The following RIN3 variants were observed in gnomAD, a reference collection of about 807,000 sequenced individuals.
RIN3 encodes RAB5 interacting protein 3.
Under a neutral mutation model 76.3 loss-of-function variants are expected in RIN3, and 54 were observed. That is an observed-to-expected ratio of 0.71 (90% CI 0.57 to 0.89). The LOEUF is 0.89. RIN3 is among the 40% of genes least tolerant of loss of function. The pLI, the probability that RIN3 is intolerant of heterozygous loss-of-function variation, is 0.00. For missense variants in RIN3, 1,256 were observed against 1,322.1 expected (o/e 0.95, Z 0.78); for synonymous variants, 576 against 564.0 (o/e 1.02, Z -0.30).
chr14:92,687,750 G>A (rs755163146), intron 9 of RIN3, 176 bp from the exon 10 acceptor site: 62 of 568,546 alleles, frequency 1.1e-4, no homozygotes, highest in Middle Eastern at 9.4e-4. Context: ...GCCAGGCAGG[G>A]AGGGGGACGG....
At chr14:92,610,440 G>A (rs1352530400) in intron 3 of RIN3, among the ~76,000 whole-genome samples, 1 of 152,020 alleles carries the variant, frequency 6.6e-6, no homozygotes. Flanking sequence ...TGTTCTTTAC[G>A]GGTCCTCACT....
intron 2 of RIN3, among the ~76,000 whole-genome samples, chr14:92,569,423 C>T (rs1204122881): frequency 6.6e-6 from 1 of 152,082 alleles, no homozygotes; most frequent in African/African-American, 2.4e-5. Flanking sequence ...GTGTTGCCAC[C>T]CCCATTTATG....
chr14:92,592,336 G>A (rs1407317837), intron 3 of RIN3, among the ~76,000 whole-genome samples: 2 of 151,144 alleles, frequency 1.3e-5, no homozygotes, highest in African/African-American at 4.9e-5. Context: ...AGGAAGCAGA[G>A]GTTGCAGTGA....
intron 1 of RIN3, among the ~76,000 whole-genome samples, chr14:92,537,801 G>A (rs10135647): frequency 0.47 from 70,662 of 150,158 alleles, 17,287 homozygotes; most frequent in Middle Eastern, 0.62. Context: ...ACAGGTGCAC[G>A]CCACCACGCC....
chr14:92,517,302 G>A (rs557461497), intron 1 of RIN3, among the ~76,000 whole-genome samples: 1 of 152,172 alleles, frequency 6.6e-6, no homozygotes, highest in Non-Finnish European at 1.5e-5. Flanking sequence ...TTTACAAAGC[G>A]ACTGTTATCA....
intron 3 of RIN3, among the ~76,000 whole-genome samples, chr14:92,585,067 C>T (rs560027069): frequency 5.9e-5 from 9 of 152,194 alleles, no homozygotes; most frequent in South Asian, 4.1e-4. Context: ...AGTGCGGTGG[C>T]GCAATCATAG....
At chr14:92,675,588 G>A (rs1332708459) in intron 7 of RIN3, among the ~76,000 whole-genome samples, 2 of 152,210 alleles carry the variant, frequency 1.3e-5, no homozygotes, top group Non-Finnish European at 2.9e-5. Flanking sequence ...GGGACCAGGC[G>A]TGGCCATTCC....
chr14:92,539,209 A>G (rs1320625611), intron 1 of RIN3, among the ~76,000 whole-genome samples: 1 of 152,044 alleles, frequency 6.6e-6, no homozygotes, highest in Non-Finnish European at 1.5e-5. Context: ...CTGCTCTTTC[A>G]TATGACTGTT....
chr14:92,531,743 A>G (rs1303149546), intron 1 of RIN3, among the ~76,000 whole-genome samples: 2 of 152,082 alleles, frequency 1.3e-5, no homozygotes, highest in East Asian at 1.9e-4. Context: ...CTTGGCCTGC[A>G]CCCTCACGAC....
intron 1 of RIN3, among the ~76,000 whole-genome samples, chr14:92,526,641 T>A (rs558038623): frequency 2.6e-4 from 40 of 152,174 alleles, no homozygotes; most frequent in South Asian, 1.0e-3. Flanking sequence ...TAGTTCCAGC[T>A]ACTCAGGAGG....
rs969615324 is a variant in RIN3 at position 92,656,516 on chromosome 14, G to A, written c.2027-2645G>A. ...AACAGCAGGAATGACTTCAGCCTTG[G>A]GGCAGCTGGCTGGCAGGATGCAGAC... On this transcript the variant is annotated intron_variant, in intron 6 of 9. Coordinates refer to ENST00000216487, the MANE Select transcript of RIN3 (RefSeq NM_024832.5). This position sits in a 1 kb window ranked among gnomAD's most constrained non-coding sequence, Gnocchi z 5.2. Among the ~76,000 whole-genome samples the A allele has an allele frequency of 2.0e-4, 30 of 152,214 alleles. No homozygotes were observed. The highest frequency in any genetic ancestry group is 6.3e-4 in the African/African-American group (26 of 41,454).
At chr14:92,546,618 G>A (rs1897271831) in intron 1 of RIN3, among the ~76,000 whole-genome samples, 1 of 152,180 alleles carries the variant, frequency 6.6e-6, no homozygotes, top group African/African-American at 2.4e-5. Context: ...TCAGGGAATG[G>A]GGCTGCTGGA....
intron 1 of RIN3, among the ~76,000 whole-genome samples, chr14:92,550,407 TTTTA>T (rs924337473): frequency 9.2e-5 from 14 of 152,260 alleles, no homozygotes; most frequent in African/African-American, 3.1e-4. Context: ...TTTTGTTTAG[TTTTA>T]TTTATTTATT....
chr14:92,590,217 A>G (rs957087056), intron 3 of RIN3, among the ~76,000 whole-genome samples: 10 of 152,230 alleles, frequency 6.6e-5, no homozygotes, highest in Non-Finnish European at 1.3e-4. Context: ...AAGAAGGCAA[A>G]AGGAACATTT....
At chr14:92,659,522 C>T in intron 7 of RIN3, 53 bp downstream of exon 7, 1 of 1,479,746 alleles carries the variant, frequency 6.8e-7, no homozygotes, top group Non-Finnish European at 9.1e-7. Context: ...TGTATGGGTC[C>T]ATGACCCCAC....
chr14:92,585,197 G>A (rs1320701154), intron 3 of RIN3, among the ~76,000 whole-genome samples: 1 of 152,032 alleles, frequency 6.6e-6, no homozygotes, highest in Non-Finnish European at 1.5e-5. Context: ...ATTTTTTGTA[G>A]AGATGGGGTC....
At chr14:92,596,260 T>C (rs1479673685) in intron 3 of RIN3, among the ~76,000 whole-genome samples, 2 of 152,224 alleles carry the variant, frequency 1.3e-5, no homozygotes, top group Non-Finnish European at 2.9e-5. Flanking sequence ...AACTAGGTCA[T>C]GAAATCTTAC....
chr14:92,633,297 G>A (rs1874040747), intron 4 of RIN3, among the ~76,000 whole-genome samples: 1 of 152,190 alleles, frequency 6.6e-6, no homozygotes. Context: ...CCCTGGCACA[G>A]CCCTGGGCAC....
rs1462402887 is a variant in RIN3, at chr14:92,681,357, C to T, written c.2468-3630C>T. Reference sequence around the variant, plus strand: ...CAGCACCAAGAGTGCAGCAGTAGGGCGTGGCTGCTCCCCTTTCACCTGCGA... The same window carrying T: ...CAGCACCAAGAGTGCAGCAGTAGGGTGTGGCTGCTCCCCTTTCACCTGCGA... On this transcript the variant is annotated intron_variant, in intron 8 of 9. Transcript: ENST00000216487. The surrounding 1 kb of genome is among the most constrained non-coding windows in gnomAD (Gnocchi z 4.7). Among the ~76,000 whole-genome samples the T allele has an allele frequency of 2.0e-5, 3 of 152,172 alleles. No homozygotes were observed. Among genetic ancestry groups the T allele is most frequent in the African/African-American group, 7.2e-5 (3 of 41,422 alleles).
Sources: gnomAD v4.1 joint callset for allele counts (sites outside exome capture counted in the v4.1 genomes callset) on GRCh38, gnomAD v4.1.1 for gene constraint, Gnocchi (gnomAD v3.1) non-coding constraint, MANE v1.5 for transcripts, NCBI Gene and HGNC (gene_info 2026-07-23, HGNC 2026-07-21) for gene names.